Variants in SHCBP1L observed in about 807,000 individuals in gnomAD.
The protein encoded by SHCBP1L is testicular spindle-associated protein SHCBP1L.
In SHCBP1L, 67 loss-of-function variants were observed where a neutral mutation model predicts 62.5. The ratio of observed to expected loss-of-function variants is 1.07; its 90% CI spans 0.88 to 1.31. The LOEUF (loss-of-function observed/expected upper bound fraction) is 1.31, where lower values mean the gene tolerates loss of function less well. Ranked by LOEUF, SHCBP1L falls within the 40% of genes most tolerant of loss-of-function variation. SHCBP1L has a pLI of 0.00. For missense variants in SHCBP1L, 823 were observed against 809.8 expected (o/e 1.02, Z -0.20); for synonymous variants, 284 against 289.4 (o/e 0.98, Z 0.19).
At position 182,927,541 on chromosome 1, in the gene SHCBP1L, G is replaced by T. The variant is rs571084398; in HGVS notation, c.1182+2106C>A. Among the ~76,000 whole-genome samples the T allele has an allele frequency of 9.4e-4, 142 of 151,738 alleles. 4 individuals carry two copies. In the South Asian group the frequency reaches 0.029, roughly 31 times the overall value. ...CAAAAAATTAGCCGGGCGTAGTGGC[G>T]GGCGCCTGTAGTCCCAGCTACTCGG... On this transcript the variant is annotated intron_variant, in intron 6 of 9. Coordinates refer to ENST00000367547, the MANE Select transcript of SHCBP1L (RefSeq NM_030933.4).
Position 182,904,249 on chromosome 1 carries a change from T to A in SHCBP1L, c.1518A>T (p.Glu506Asp), listed in dbSNP as rs1455679599. 11 of 1,614,052 alleles carry A rather than the reference T, an allele frequency of 6.8e-6. No individual in the cohort carries two copies. In the Admixed American group the frequency reaches 1.3e-4, roughly 20 times the overall value. ...MTLENCILKC[E>D]GTGVCVLTGA... is the part of the protein sequence containing the mutation. ...CTGTAAGAACACACACTCCTGTTCC[T>A]TCACATTTTAATATGCAGTTTTCTA... The change falls in exon 8 of 10, where the codon GAA becomes GAT. Residue 506 changes from glutamate to aspartate, a missense_variant. Coordinates refer to ENST00000367547, the MANE Select transcript of SHCBP1L (RefSeq NM_030933.4).
intron 5 of SHCBP1L, among the ~76,000 whole-genome samples, chr1:182,934,944 C>T (rs542570326): frequency 6.6e-6 from 1 of 152,048 alleles, no homozygotes; most frequent in Admixed American, 6.6e-5. Flanking sequence ...TTCTTTTGCC[C>T]TTTGTCAAGT....
intron 5 of SHCBP1L, among the ~76,000 whole-genome samples, chr1:182,931,248 C>T (rs12071339): frequency 0.084 from 12,263 of 146,812 alleles, 1,326 homozygotes; most frequent in African/African-American, 0.25. Context: ...CATTCATACA[C>T]TTTTTTTTTT....
At chr1:182,943,182 T>A (rs1401113860) in intron 2 of SHCBP1L, among the ~76,000 whole-genome samples, 1 of 151,952 alleles carries the variant, frequency 6.6e-6, no homozygotes, top group Non-Finnish European at 1.5e-5. Context: ...AGTGGCACGA[T>A]CATAGCTCAC....
chr1:182,941,861 C>T lies in SHCBP1L; in HGVS notation c.556-1318G>A, dbSNP rs547029682. 3.6e-4 allele frequency among the ~76,000 whole-genome samples: 55 copies of T among 152,206 alleles called. 1 individual carries two copies. Among genetic ancestry groups the T allele is most frequent in the Non-Finnish European group, 2.5e-4 (17 of 68,010 alleles). On this transcript the variant is annotated intron_variant, in intron 2 of 9. Coordinates refer to ENST00000367547, the MANE Select transcript of SHCBP1L (RefSeq NM_030933.4). ...GATACCTGAGACAGTCAAAGCCTCC[C>T]ATAATTCAATATCCCACACTATTTT...
chr1:182,944,833 G>C (rs1264038888), intron 2 of SHCBP1L, among the ~76,000 whole-genome samples: 3 of 151,768 alleles, frequency 2.0e-5, no homozygotes, highest in Non-Finnish European at 4.4e-5. Context: ...TAATATGTTT[G>C]AAAAATGTGA....
chr1:182,924,277 C>T (rs560338634), intron 6 of SHCBP1L, among the ~76,000 whole-genome samples: 2 of 151,688 alleles, frequency 1.3e-5, no homozygotes, highest in Non-Finnish European at 2.9e-5. Flanking sequence ...ACATTCCATG[C>T]TCAAGAATAA....
Position 182,918,223 on chromosome 1 carries a change from CACATATATATAT to C in SHCBP1L, c.1182+11412_1182+11423del, listed in dbSNP as rs1465508248. On this transcript the variant is annotated intron_variant, in intron 6 of 9. Transcript: ENST00000367547. ...ATACATATATATACACATATATATACACATATATATATACATATATATACACACATATATATC... is the reference window on the plus strand; with the variant it reads ...ATACATATATATACACATATATATACACATATATATACACACATATATATC... 6.1e-4 allele frequency among the ~76,000 whole-genome samples: 76 copies of C among 124,876 alleles called. No individual in the cohort carries two copies. In the South Asian group the frequency reaches 0.01, roughly 17 times the overall value. 81.9% of individuals were successfully genotyped at this position (124,876 alleles called of 152,430 possible).
intron 6 of SHCBP1L, among the ~76,000 whole-genome samples, chr1:182,924,778 A>AAGAAAG (rs1557996823): frequency 2.1e-4 from 21 of 99,100 alleles, no homozygotes; most frequent in African/African-American, 1.5e-3. Context: ...GAAAGAAAGA[A>AAGAAAG]AGAAAGAAAG....
At chr1:182,930,341 C>T (rs1373955246) in intron 5 of SHCBP1L, among the ~76,000 whole-genome samples, 1 of 151,322 alleles carries the variant, frequency 6.6e-6, no homozygotes, top group Non-Finnish European at 1.5e-5. Context: ...GTTTCCTGTT[C>T]GTATCTCTAT....
Position 182,918,213 on chromosome 1 carries a change from C to CAT in SHCBP1L, c.1182+11432_1182+11433dup, listed in dbSNP as rs1303529317. 2.1e-3 allele frequency among the ~76,000 whole-genome samples: 302 copies of CAT among 146,996 alleles called. 1 individual carries two copies. Among genetic ancestry groups the CAT allele is most frequent in the Non-Finnish European group, 2.7e-3 (179 of 67,110 alleles). On this transcript the variant is annotated intron_variant, in intron 6 of 9. Transcript: ENST00000367547. The stretch of plus-strand genomic sequence containing the variant: ...ACACATATATATACATATATATACA[C>CAT]ATATATATACACATATATATATACA...
intron 6 of SHCBP1L, among the ~76,000 whole-genome samples, chr1:182,916,031 C>T (rs1251140512): frequency 1.3e-5 from 2 of 152,128 alleles, no homozygotes; most frequent in African/African-American, 4.8e-5. Context: ...TGGTCTCTAT[C>T]TCCTGACCTT....
intron 6 of SHCBP1L, among the ~76,000 whole-genome samples, chr1:182,923,474 T>TA (rs1172265237): frequency 2.6e-5 from 4 of 152,052 alleles, no homozygotes; most frequent in African/African-American, 7.2e-5. Flanking sequence ...CAACAAAATA[T>TA]TAACAAACTG....
chr1:182,942,348 T>C, intron 2 of SHCBP1L: 1 of 785,572 alleles, frequency 1.3e-6, no homozygotes, highest in South Asian at 1.3e-5. Context: ...CCCGATCTCC[T>C]GTTGGGCTCT....
At position 182,929,733 on chromosome 1, in the gene SHCBP1L, G is replaced by T; in HGVS notation, c.1096C>A (p.Pro366Thr). 2 of 1,588,418 alleles carry T rather than the reference G, an allele frequency of 1.3e-6. No individual in the cohort carries two copies. The highest frequency in any genetic ancestry group is 1.7e-6 in the Non-Finnish European group (2 of 1,172,880). The change falls in exon 6 of 10, where the codon CCA (proline) becomes ACA (threonine). Residue 366 changes from proline to threonine, a missense_variant. Pro to Thr is a conservative substitution (Grantham distance 38, BLOSUM62 -1). Coordinates refer to ENST00000367547, the MANE Select transcript of SHCBP1L (RefSeq NM_030933.4). The part of the protein sequence containing the change: ...LRLRVHGPFF[P>T]RILRRRKGKR... ...CCTTTCCTACGCCTCAGAATTCTTG[G>T]AAAGAAAGGTCCATGAACTCTATAG...
intron 2 of SHCBP1L, among the ~76,000 whole-genome samples, chr1:182,946,916 A>T (rs966405329): frequency 6.6e-6 from 1 of 152,032 alleles, no homozygotes; most frequent in African/African-American, 2.4e-5. Flanking sequence ...CTCTTCTAGT[A>T]CCCCATCTAG....
At chr1:182,924,775 A>AGAAAGAAAG in intron 6 of SHCBP1L, among the ~76,000 whole-genome samples, 1 of 110,824 alleles carries the variant, frequency 9.0e-6, no homozygotes, top group Non-Finnish European at 1.6e-5. Flanking sequence ...AAAGAAAGAA[A>AGAAAGAAAG]GAAAGAAAGA....
chr1:182,947,075 A>G (rs1410546389), intron 2 of SHCBP1L, among the ~76,000 whole-genome samples: 1 of 152,054 alleles, frequency 6.6e-6, no homozygotes, highest in Non-Finnish European at 1.5e-5. Context: ...CGTCTCTACT[A>G]AAAATACAAA....
At chr1:182,951,001 G>A (rs1255371866) in intron 2 of SHCBP1L, among the ~76,000 whole-genome samples, 1 of 151,964 alleles carries the variant, frequency 6.6e-6, no homozygotes, top group Non-Finnish European at 1.5e-5. Context: ...GGAAAAGACA[G>A]AAAAAGAAGG....
Sources: allele counts gnomAD v4.1 joint callset (sites outside exome capture counted in the v4.1 genomes callset), GRCh38; gene constraint gnomAD v4.1.1; transcripts MANE v1.5; gene names NCBI Gene and HGNC (gene_info 2026-07-23, HGNC 2026-07-21).